Variants in DIP2B observed in about 807,000 individuals in gnomAD.
DIP2B encodes DIP2 acetate--CoA ligase B (putative).
DIP2B carries 76 observed loss-of-function variants against 198.0 expected under a neutral mutation model. The ratio of observed to expected loss-of-function variants is 0.38; its 90% confidence interval spans 0.32 to 0.46. The LOEUF (loss-of-function observed/expected upper bound fraction) is 0.46. Ranked by LOEUF, DIP2B falls within the 20% of genes least tolerant of loss-of-function variation. The pLI is 0.99. For missense variants in DIP2B, 1,559 were observed against 1,978.4 expected (o/e 0.79, Z 4.02); for synonymous variants, 701 against 739.1 (o/e 0.95, Z 0.84).
In DIP2B at chr12:50,544,101, GCCTGTAGTC is replaced by G. The variant is rs1958353510; in HGVS notation, c.100+38864_100+38872del. Among the ~76,000 whole-genome samples the G allele has an allele frequency of 2.0e-5, 3 of 151,000 alleles. No individual in the cohort carries two copies. In the South Asian group the frequency reaches 6.3e-4, roughly 32 times the overall value. On this transcript the variant is annotated intron_variant, in intron 1 of 37. Coordinates refer to ENST00000301180, the MANE Select transcript of DIP2B (RefSeq NM_173602.3). ...AAATTAGCCAGGCGTGGTGGTTCGC[GCCTGTAGTC>G]CCAGTTGCTCAGGAGGCTGAGGCAG...
chr12:50,704,721 T>A (rs891276335), intron 20 of DIP2B, among the ~76,000 whole-genome samples: 1 of 152,266 alleles, frequency 6.6e-6, no homozygotes, highest in South Asian at 2.1e-4. Context: ...TCCCAGCACT[T>A]TGGGAGGCCG....
chr12:50,596,825 C>A (rs1306884798), intron 1 of DIP2B, among the ~76,000 whole-genome samples: 1 of 152,054 alleles, frequency 6.6e-6, no homozygotes, highest in African/African-American at 2.4e-5. Flanking sequence ...TTAGATAAAT[C>A]TTATTTACGT....
In DIP2B at chr12:50,741,447, G is replaced by A. The variant is rs754432717; in HGVS notation, c.4386G>A (p.Ala1462=). 10 of 1,613,846 alleles carry A rather than the reference G, an allele frequency of 6.2e-6. No homozygotes were observed. The highest frequency in any genetic ancestry group is 2.2e-5 in the South Asian group (2 of 91,074). ...ATGATGCATTGTATGTGGTGGGAGC[G>A]CTGGATGAAACACTGGAGCTGAGAG... ...ERHDALYVVG[A]LDETLELRGL... Residue 1462 remains alanine (A), a synonymous_variant, in exon 37 of 38, where the codon GCG becomes GCA. Coordinates refer to ENST00000301180, the MANE Select transcript of DIP2B (RefSeq NM_173602.3).
chr12:50,596,154 T>A (rs953544808), intron 1 of DIP2B, among the ~76,000 whole-genome samples: 2 of 152,240 alleles, frequency 1.3e-5, no homozygotes, highest in Admixed American at 6.5e-5. Flanking sequence ...TGAAGTTCCA[T>A]GTTTCCAAAT....
chr12:50,535,475 T>C (rs958723046), intron 1 of DIP2B, among the ~76,000 whole-genome samples: 5 of 151,188 alleles, frequency 3.3e-5, no homozygotes. Context: ...CAAGCAATTC[T>C]CCTCCCTCAG....
intron 9 of DIP2B, among the ~76,000 whole-genome samples, chr12:50,681,310 C>T (rs371108351): frequency 4.0e-5 from 6 of 151,780 alleles, no homozygotes; most frequent in Admixed American, 3.3e-4. Context: ...GTGGCATGCA[C>T]CTGTAGTCCC....
intron 1 of DIP2B, among the ~76,000 whole-genome samples, chr12:50,557,250 G>A (rs948134689): frequency 1.8e-4 from 27 of 152,204 alleles, no homozygotes; most frequent in African/African-American, 6.3e-4. Context: ...GGGAGAGGGT[G>A]AGTGAAAGTG....
chr12:50,536,832 G>A (rs1958272045), intron 1 of DIP2B, among the ~76,000 whole-genome samples: 1 of 151,462 alleles, frequency 6.6e-6, no homozygotes, highest in African/African-American at 2.4e-5. Context: ...GCCTCCCAAA[G>A]TGCTGGGATT....
At chr12:50,570,804 T>G (rs1319056617) in intron 1 of DIP2B, among the ~76,000 whole-genome samples, 1 of 152,236 alleles carries the variant, frequency 6.6e-6, no homozygotes, top group Non-Finnish European at 1.5e-5. Flanking sequence ...TTTACAATAC[T>G]TCAGGTTACT....
At chr12:50,573,328 G>GT (rs1958631510) in intron 1 of DIP2B, among the ~76,000 whole-genome samples, 1 of 152,182 alleles carries the variant, frequency 6.6e-6, no homozygotes, top group Non-Finnish European at 1.5e-5. Context: ...ATAAGATTGA[G>GT]TATCGATCAA....
chr12:50,613,638 T>C (rs1193565429), intron 1 of DIP2B, among the ~76,000 whole-genome samples: 2 of 152,202 alleles, frequency 1.3e-5, no homozygotes, highest in Non-Finnish European at 2.9e-5. Context: ...AGGCTTTCAG[T>C]TCCCTGAAGC....
chr12:50,533,327 A>C (rs1958234794), intron 1 of DIP2B, among the ~76,000 whole-genome samples: 1 of 152,204 alleles, frequency 6.6e-6, no homozygotes, highest in South Asian at 2.1e-4. Context: ...TTCAGTTGAA[A>C]TTAAATAACC....
intron 16 of DIP2B, among the ~76,000 whole-genome samples, chr12:50,696,781 T>TA (rs1453685080): frequency 6.6e-6 from 1 of 152,230 alleles, no homozygotes; most frequent in Non-Finnish European, 1.5e-5. Context: ...CCTGCAGTGT[T>TA]ATCTCTGATA....
intron 22 of DIP2B, among the ~76,000 whole-genome samples, chr12:50,709,374 T>G (rs1182363638): frequency 6.6e-6 from 1 of 152,132 alleles, no homozygotes; most frequent in Non-Finnish European, 1.5e-5. Context: ...GGCTCACGCC[T>G]GTAATCCCAG....
chr12:50,718,905 C>T (rs756566544), intron 24 of DIP2B, 50 bp from the exon 25 acceptor site: 14 of 1,612,674 alleles, frequency 8.7e-6, no homozygotes, highest in Non-Finnish European at 1.2e-5. Flanking sequence ...CATTATATGA[C>T]TTGTTATAAG....
At chr12:50,597,122 G>A (rs934459170) in intron 1 of DIP2B, among the ~76,000 whole-genome samples, 2 of 152,064 alleles carry the variant, frequency 1.3e-5, no homozygotes, top group Admixed American at 1.3e-4. Context: ...TTTATACCAA[G>A]GCACTCCACT....
intron 3 of DIP2B, among the ~76,000 whole-genome samples, chr12:50,657,645 AGAC>A (rs1565861036): frequency 6.6e-6 from 1 of 152,176 alleles, no homozygotes; most frequent in African/African-American, 2.4e-5. Context: ...AAAAAGAAGA[AGAC>A]AACAAATTAT....
intron 26 of DIP2B, 53 bp from the exon 27 acceptor site, chr12:50,723,149 C>T (rs1939872298): frequency 6.3e-7 from 1 of 1,593,650 alleles, no homozygotes; most frequent in Non-Finnish European, 8.6e-7. Flanking sequence ...TTTAGTTTCT[C>T]AGTGCTCTTA....
chr12:50,658,086 CAAAAA>C (rs1156952803), intron 3 of DIP2B, among the ~76,000 whole-genome samples: 32 of 79,860 alleles, frequency 4.0e-4, no homozygotes, highest in South Asian at 7.5e-4. Context: ...GACCTCATCT[CAAAAA>C]AAAAAAAAAA....
Sources: allele counts gnomAD v4.1 joint callset (sites outside exome capture counted in the v4.1 genomes callset), GRCh38; gene constraint gnomAD v4.1.1; transcripts MANE v1.5; gene names NCBI Gene and HGNC (gene_info 2026-07-23, HGNC 2026-07-21).